Variants in SHISAL2A observed in about 807,000 individuals in gnomAD.
SHISAL2A encodes the protein shisa like 2A.
A neutral mutation model predicts 11.5 loss-of-function variants in SHISAL2A; 18 were observed. That is an observed-to-expected ratio of 1.57 (90% CI 1.08 to 2.33). The LOEUF is 2.33. Ranked by LOEUF, SHISAL2A falls within the 30% of genes most tolerant of loss-of-function variation. The probability of loss-of-function intolerance (pLI) is 0.00; values close to 1 mark genes in which losing one functional copy is unlikely to be tolerated. For synonymous variants in SHISAL2A, 94 were observed against 99.6 expected (o/e 0.94, Z 0.34); for missense variants, 261 against 250.9 (o/e 1.04, Z -0.27).
chr1:52,651,039 A>C (rs1558090940), intron 2 of SHISAL2A, among the ~76,000 whole-genome samples: 1 of 151,938 alleles, frequency 6.6e-6, no homozygotes, highest in Non-Finnish European at 1.5e-5. Flanking sequence ...GGTCACATTA[A>C]CAGAGTATAA....
chr1:52,634,687 C>G (rs1691202530), intron 1 of SHISAL2A, among the ~76,000 whole-genome samples: 1 of 152,110 alleles, frequency 6.6e-6, no homozygotes, highest in African/African-American at 2.4e-5. Flanking sequence ...CAGGCATCAG[C>G]AAAAATTGAG....
At chr1:52,661,271 T>A (rs984970604), downstream of SHISAL2A, among the ~76,000 whole-genome samples, 17 of 152,248 alleles carry the variant, frequency 1.1e-4, no homozygotes, top group Non-Finnish European at 1.5e-5. Flanking sequence ...ACTTGCTTCC[T>A]GTTCTCTGTA....
chr1:52,642,172 G>A (rs1454125067), intron 1 of SHISAL2A, among the ~76,000 whole-genome samples: 1 of 152,134 alleles, frequency 6.6e-6, no homozygotes, highest in Non-Finnish European at 1.5e-5. Flanking sequence ...CCTACTATAT[G>A]TGTCTTGATT....
intron 2 of SHISAL2A, among the ~76,000 whole-genome samples, chr1:52,651,661 C>T (rs1219795595): frequency 3.3e-5 from 5 of 152,174 alleles, no homozygotes; most frequent in Non-Finnish European, 5.9e-5. Context: ...TCTCCTGCCT[C>T]AGCTGGCTAC....
chr1:52,660,713 C>T (rs946496423), downstream of SHISAL2A, among the ~76,000 whole-genome samples: 23 of 152,108 alleles, frequency 1.5e-4, no homozygotes, highest in Admixed American at 1.3e-3. Flanking sequence ...AACTTGGAAA[C>T]GTTAGAACAT....
rs140451389 is a variant in SHISAL2A at position 52,663,574 on chromosome 1, A to G, written n.696-3825A>G. On this transcript the variant is annotated intron_variant and non_coding_transcript_variant, in intron 4 of 5. Coordinates refer to the SHISAL2A transcript ENST00000401050. ...TCATGAGGTCGAGACCAGCCTGGCC[A>G]ACATGGTGAAACCCCGTCTCTACTA... 9.2e-3 allele frequency among the ~76,000 whole-genome samples: 1,394 copies of G among 152,154 alleles called. 52 individuals carry two copies. The East Asian group carries it at 0.14, about 15-fold the overall frequency.
Position 52,633,425 on chromosome 1 carries a change from C to G in SHISAL2A, c.-69C>G. 7.4e-7 allele frequency: 1 copy of G among 1,348,190 alleles called. No individual in the cohort carries two copies. Among genetic ancestry groups the G allele is most frequent in the Non-Finnish European group, 9.6e-7 (1 of 1,036,808 alleles). The allele number at this position is 1,348,190 out of a possible 1,614,324, so 83.5% of individuals were successfully genotyped here. ...CTCAGCTCCGTCTCGCTCGGTCCCT[C>G]GCTTCCCCGCCGGGCTCTAGCCGGC... On this transcript the variant is annotated 5_prime_UTR_variant, in exon 1 of 3. Coordinates refer to ENST00000517870, the MANE Select transcript of SHISAL2A (RefSeq NM_001042693.3). The surrounding 1 kb of genome is among the most constrained non-coding windows in gnomAD (Gnocchi z 6.4).
chr1:52,642,495 G>A (rs1049541863), intron 1 of SHISAL2A, among the ~76,000 whole-genome samples: 7 of 150,030 alleles, frequency 4.7e-5, no homozygotes, highest in African/African-American at 1.5e-4. Context: ...GCACGATCTC[G>A]GCTCACTGCA....
chr1:52,656,761 C>A, intron 2 of SHISAL2A, 29 bp from the exon 3 acceptor site: 1 of 1,574,616 alleles, frequency 6.4e-7, no homozygotes, highest in African/African-American at 1.3e-5. Context: ...AAGAAGAGAG[C>A]CACACACCCT....
chr1:52,655,451 A>C (rs1691769144), intron 2 of SHISAL2A, among the ~76,000 whole-genome samples: 1 of 115,062 alleles, frequency 8.7e-6, no homozygotes, highest in Admixed American at 8.5e-5. Flanking sequence ...CCCTGTATCT[A>C]CAAAAAAAAA....
chr1:52,667,204 G>A (rs918981635), intron 4 of SHISAL2A, among the ~76,000 whole-genome samples: 1 of 152,172 alleles, frequency 6.6e-6, no homozygotes, highest in African/African-American at 2.4e-5. Context: ...GGCTCTGAAA[G>A]GTTTATATAC....
In SHISAL2A at chr1:52,633,605, GACC is replaced by G; in HGVS notation, c.115_117del (p.His39del). The G allele has an allele frequency of 6.2e-7, 1 of 1,612,490 alleles. No individual in the cohort carries two copies. The highest frequency in any genetic ancestry group is 8.5e-7 in the Non-Finnish European group (1 of 1,179,386). ...CGCTGTCTTCTGCTGCGGCTTCCGC[GACC>G]ACAAGTACTGCTGCGACGACCCGCA... is the stretch of plus-strand genomic sequence containing the variant. On this transcript the variant is annotated inframe_deletion, in exon 1 of 3. Transcript: ENST00000517870. This position sits in a 1 kb window ranked among gnomAD's most constrained non-coding sequence, Gnocchi z 6.4.
intron 4 of SHISAL2A, chr1:52,667,287 T>A (rs1175848435): frequency 5.0e-6 from 2 of 398,842 alleles, no homozygotes; most frequent in African/African-American, 4.3e-5. Flanking sequence ...GCGTAGTTAG[T>A]CAGCACGAGT....
chr1:52,667,055 C>A (rs1297111245), intron 4 of SHISAL2A, among the ~76,000 whole-genome samples: 3 of 152,210 alleles, frequency 2.0e-5, no homozygotes, highest in Non-Finnish European at 4.4e-5. Context: ...GTTGCTGCCT[C>A]CTTCAGCTCC....
chr1:52,663,713 A>G (rs1046853340), intron 4 of SHISAL2A, among the ~76,000 whole-genome samples: 1 of 152,186 alleles, frequency 6.6e-6, no homozygotes, highest in Non-Finnish European at 1.5e-5. Context: ...GTGAGCTGAG[A>G]CTGCATCATT....
At chr1:52,653,008 T>C (rs1691706196) in intron 2 of SHISAL2A, among the ~76,000 whole-genome samples, 1 of 141,486 alleles carries the variant, frequency 7.1e-6, no homozygotes. Context: ...AGAACTAAGT[T>C]TGTTTAGCAA....
At chr1:52,659,119 G>GTCACCAGGT (rs369889413), downstream of SHISAL2A, among the ~76,000 whole-genome samples, 446 of 152,084 alleles carry the variant, frequency 2.9e-3, 3 homozygotes, top group African/African-American at 0.01. Context: ...CCAGGCTGGA[G>GTCACCAGGT]TGCAGTGGAG....
chr1:52,641,892 C>T (rs955059001), intron 1 of SHISAL2A, among the ~76,000 whole-genome samples: 4 of 151,960 alleles, frequency 2.6e-5, no homozygotes, highest in Non-Finnish European at 5.9e-5. Context: ...TGCTTGAGCT[C>T]AAGAATTTAA....
intron 2 of SHISAL2A, among the ~76,000 whole-genome samples, chr1:52,645,973 A>G (rs1026322354): frequency 6.6e-6 from 1 of 152,232 alleles, no homozygotes; most frequent in African/African-American, 2.4e-5. Flanking sequence ...AGGCAGCAGG[A>G]CATTTTTTAA....
Sources: allele counts gnomAD v4.1 joint callset (sites outside exome capture counted in the v4.1 genomes callset), GRCh38; gene constraint gnomAD v4.1.1; non-coding constraint Gnocchi (gnomAD v3.1); transcripts MANE v1.5; gene names NCBI Gene and HGNC (gene_info 2026-07-23, HGNC 2026-07-21).